The following HAPLN1 variants were observed in gnomAD, a reference collection of about 807,000 sequenced individuals.
HAPLN1 encodes the protein Cartilage link protein.
Under a neutral mutation model 36.5 loss-of-function variants are expected in HAPLN1, and 13 were observed. The observed-to-expected ratio is 0.36, with a 90% CI of 0.23 to 0.57. The LOEUF (loss-of-function observed/expected upper bound fraction) is 0.57. Ranked by LOEUF, HAPLN1 falls within the 20% of genes least tolerant of loss-of-function variation. The pLI, the probability that HAPLN1 is intolerant of heterozygous loss-of-function variation, is 0.83. For synonymous variants in HAPLN1, 202 were observed against 169.8 expected, an observed-to-expected ratio of 1.19 and a Z score of -1.48; for missense variants, 407 against 439.7, an observed-to-expected ratio of 0.93 and a Z score of 0.66.
intron 1 of HAPLN1, among the ~76,000 whole-genome samples, chr5:83,707,435 C>T (rs1751678796): frequency 1.3e-5 from 2 of 152,146 alleles, no homozygotes; most frequent in South Asian, 4.1e-4. Flanking sequence ...GACCACTCAC[C>T]TATGACCGTC....
intron 1 of HAPLN1, among the ~76,000 whole-genome samples, chr5:83,704,107 CAAA>C (rs34709377): frequency 2.0e-4 from 28 of 140,292 alleles, no homozygotes; most frequent in African/African-American, 5.0e-4. Context: ...GCAACAGTCT[CAAA>C]AAAAAAAAAA....
At chr5:83,660,130 T>G (rs534674655) in intron 2 of HAPLN1, among the ~76,000 whole-genome samples, 9 of 152,286 alleles carry the variant, frequency 5.9e-5, no homozygotes, top group African/African-American at 2.2e-4. Flanking sequence ...TGTTGAGATC[T>G]GCATTATCAC....
chr5:83,687,715 A>G (rs1275899150), intron 1 of HAPLN1, among the ~76,000 whole-genome samples: 3 of 152,244 alleles, frequency 2.0e-5, no homozygotes, highest in African/African-American at 7.2e-5. Context: ...TGCAAGTTAT[A>G]TCTGTTAATT....
intron 1 of HAPLN1, among the ~76,000 whole-genome samples, chr5:83,687,934 G>T (rs958812735): frequency 6.6e-6 from 1 of 152,166 alleles, no homozygotes; most frequent in African/African-American, 2.4e-5. Flanking sequence ...TAAGATATAA[G>T]CATTGGATAG....
chr5:83,695,569 TATAA>T (rs1751373038), intron 1 of HAPLN1, among the ~76,000 whole-genome samples: 1 of 147,852 alleles, frequency 6.8e-6, no homozygotes, highest in South Asian at 2.1e-4. Flanking sequence ...GAGATGTTTA[TATAA>T]ATATATATAG....
At chr5:83,656,980 T>C (rs1020503684) in intron 2 of HAPLN1, among the ~76,000 whole-genome samples, 1 of 152,174 alleles carries the variant, frequency 6.6e-6, no homozygotes, top group Non-Finnish European at 1.5e-5. Context: ...CTGCCTATTG[T>C]TCTTAGTCCT....
chr5:83,675,598 G>A (rs336960), intron 1 of HAPLN1, among the ~76,000 whole-genome samples: 64,596 of 151,884 alleles, frequency 0.43, 14,414 homozygotes, highest in African/African-American at 0.53. Context: ...ATCTCCTTTA[G>A]TTCCATACCA....
In HAPLN1 at chr5:83,638,237, T is replaced by C. The variant is rs1290180440; in HGVS notation, c.*3259A>G. The C allele has an allele frequency of 6.6e-6, 1 of 151,810 alleles. No homozygotes were observed. Among genetic ancestry groups the C allele is most frequent in the Admixed American group, 6.6e-5 (1 of 15,258 alleles). 9.4% of individuals were successfully genotyped at this position (151,810 alleles called of 1,614,324 possible). On this transcript the variant is annotated 3_prime_UTR_variant, in exon 5 of 5. Coordinates refer to ENST00000274341, the MANE Select transcript of HAPLN1 (RefSeq NM_001884.4). ...ATTGACTTTTAATGTACCAGTTCAT[T>C]GTATCTTACAGAAAATCAAAACATT...
rs776770646 is a variant in HAPLN1 at position 83,641,564 on chromosome 5, G to T, written c.997C>A (p.Arg333Ser). ...TTTTTATCTGGGAAACCCACGAAGC[G>T]CACTGCAGCCTCAGTAGGACTGCAG... ...RRCSPTEAAV[R>S]FVGFPDKKHK... The change falls in exon 5 of 5, where the codon CGC becomes AGC. Residue 333 changes from arginine (R) to serine (S), a missense_variant. Physicochemically the swap from Arg to Ser is moderately radical, Grantham distance 110. Coordinates refer to ENST00000274341, the MANE Select transcript of HAPLN1 (RefSeq NM_001884.4). The T allele has an allele frequency of 1.2e-6, 2 of 1,614,118 alleles. No individual in the cohort carries two copies. Among genetic ancestry groups the T allele is most frequent in the East Asian group, 2.2e-5 (1 of 44,878 alleles).
intron 1 of HAPLN1, chr5:83,686,049 A>T (rs996720452): frequency 1.3e-5 from 2 of 151,010 alleles, no homozygotes; most frequent in Admixed American, 1.3e-4. Context: ...ATTTCCTGCT[A>T]AATTTCTCTA....
In HAPLN1 at chr5:83,702,094, G is replaced by A. The variant is rs1216276502; in HGVS notation, c.-27+18695C>T. On this transcript the variant is annotated intron_variant, in intron 1 of 4. Transcript: ENST00000274341. Reference sequence around the variant, plus strand: ...CATGAATGATGCAAGCATGAGCCATGTTTCAGGTGGGAGGGATAAAATGAT... The same window carrying A: ...CATGAATGATGCAAGCATGAGCCATATTTCAGGTGGGAGGGATAAAATGAT... Among the ~76,000 whole-genome samples the A allele has an allele frequency of 2.0e-5, 3 of 152,190 alleles. No homozygotes were observed. The South Asian group carries it at 6.2e-4, about 32-fold the overall frequency.
chr5:83,644,806 A>G, intron 3 of HAPLN1, 141 bp from the exon 4 acceptor site: 1 of 496,040 alleles, frequency 2.0e-6, no homozygotes. Context: ...ACTGTTTCTC[A>G]TGATCCCTTT....
chr5:83,706,483 A>G (rs1751655088), intron 1 of HAPLN1, among the ~76,000 whole-genome samples: 1 of 152,232 alleles, frequency 6.6e-6, no homozygotes, highest in Non-Finnish European at 1.5e-5. Flanking sequence ...CAAAACCCAC[A>G]TGATTATCTC....
chr5:83,666,891 A>T (rs1750565716), intron 2 of HAPLN1, among the ~76,000 whole-genome samples: 1 of 152,156 alleles, frequency 6.6e-6, no homozygotes, highest in Non-Finnish European at 1.5e-5. Context: ...CAAATGGCTG[A>T]ATTCTGTTTT....
rs1749604080 is a variant in HAPLN1 at position 83,639,048 on chromosome 5, T to A, written c.*2448A>T. 6.6e-6 allele frequency: 1 copy of A among 152,068 alleles called. No individual in the cohort carries two copies. Among genetic ancestry groups the A allele is most frequent in the Admixed American group, 6.6e-5 (1 of 15,260 alleles). The allele number at this position is 152,068 out of a possible 1,614,324, so 9.4% of individuals were successfully genotyped here. A position where few individuals can be genotyped will look rare whatever the true frequency, so the allele number is the denominator to read the frequency against. On this transcript the variant is annotated 3_prime_UTR_variant, in exon 5 of 5. Coordinates refer to ENST00000274341, the MANE Select transcript of HAPLN1 (RefSeq NM_001884.4). ...GCGATTTCTGAATTAGCCAGTGTTG[T>A]ACCAACTTTCTGTTAGGAATTGTAT...
intron 2 of HAPLN1, among the ~76,000 whole-genome samples, chr5:83,661,760 A>G (rs1476402594): frequency 6.6e-6 from 1 of 151,710 alleles, no homozygotes; most frequent in Non-Finnish European, 1.5e-5. Context: ...GCTTCTCTAA[A>G]GCCCAAGACC....
intron 1 of HAPLN1, among the ~76,000 whole-genome samples, chr5:83,696,105 CATT>C (rs1360223006): frequency 1.3e-5 from 2 of 151,946 alleles, no homozygotes; most frequent in Non-Finnish European, 2.9e-5. Context: ...GTGCAAACAT[CATT>C]ATATTTTTAT....
intron 1 of HAPLN1, among the ~76,000 whole-genome samples, chr5:83,714,083 AAGTC>A (rs2112641258): frequency 6.6e-6 from 1 of 152,264 alleles, no homozygotes; most frequent in Admixed American, 6.5e-5. Flanking sequence ...TTGGGATAGA[AAGTC>A]AGGACACCCC....
chr5:83,708,314 A>T (rs536612682), intron 1 of HAPLN1, among the ~76,000 whole-genome samples: 1 of 152,342 alleles, frequency 6.6e-6, no homozygotes, highest in South Asian at 2.1e-4. Flanking sequence ...ATCAACCTAA[A>T]TGCCCATTAA....
Sources: allele counts gnomAD v4.1 joint callset (sites outside exome capture counted in the v4.1 genomes callset), GRCh38; gene constraint gnomAD v4.1.1; transcripts MANE v1.5; gene names NCBI Gene and HGNC (gene_info 2026-07-23, HGNC 2026-07-21).